BCL7C: variants seen among roughly 807,000 people sequenced by gnomAD.
BCL7C encodes the protein B-cell CLL/lymphoma 7 protein family member C.
BCL7C carries 8 observed loss-of-function variants against 26.2 expected under a neutral mutation model. That is an observed-to-expected ratio of 0.30 (90% CI 0.18 to 0.55). The LOEUF (loss-of-function observed/expected upper bound fraction) is 0.55. Ranked by LOEUF, BCL7C falls within the 20% of genes least tolerant of loss-of-function variation. The probability of loss-of-function intolerance (pLI) is 0.93; values close to 1 mark genes in which losing one functional copy is unlikely to be tolerated. For synonymous variants in BCL7C, 90 were observed against 116.5 expected (o/e 0.77, Z 1.47); for missense variants, 262 against 298.5 (o/e 0.88, Z 0.90).
intron 5 of BCL7C, among the ~76,000 whole-genome samples, chr16:30,838,722 T>A (rs2151358934): frequency 6.6e-6 from 1 of 151,508 alleles, no homozygotes; most frequent in African/African-American, 2.4e-5. Flanking sequence ...GAGGCGGAGG[T>A]TGCAGTGAGC....
chr16:30,874,573 C>T (rs922111289), intron 5 of BCL7C, among the ~76,000 whole-genome samples: 2 of 151,950 alleles, frequency 1.3e-5, no homozygotes, highest in Non-Finnish European at 2.9e-5. Flanking sequence ...GAGCGGAGAT[C>T]GCACCGCTGC....
chr16:30,875,288 G>A (rs1205017869), intron 5 of BCL7C: 1 of 154,390 alleles, frequency 6.5e-6, no homozygotes, highest in African/African-American at 2.4e-5. Flanking sequence ...GCAGGCCGCA[G>A]ACGGAGACAG....
chr16:30,888,720 G>A, intron 5 of BCL7C, 140 bp downstream of exon 5: 1 of 697,112 alleles, frequency 1.4e-6, no homozygotes, highest in Admixed American at 2.9e-5. Flanking sequence ...TCAGTCCCAA[G>A]AACCCAGCCC....
At chr16:30,857,966 C>T (rs2054737509) in intron 5 of BCL7C, among the ~76,000 whole-genome samples, 1 of 105,912 alleles carries the variant, frequency 9.4e-6, no homozygotes, top group African/African-American at 3.7e-5. Flanking sequence ...AGCGAAACTC[C>T]AACTCCAAAA....
chr16:30,878,830 G>A (rs552884509), intron 5 of BCL7C, among the ~76,000 whole-genome samples: 64 of 150,208 alleles, frequency 4.3e-4, no homozygotes, highest in Admixed American at 1.5e-3. Flanking sequence ...GTGACAAAGC[G>A]AGACTCCGTC....
At position 30,873,888 on chromosome 16, in the gene BCL7C, CACAT is replaced by C. The variant is rs949039529; in HGVS notation, c.528+14968_528+14971del. ...TTGTACAGATATATATACACACACA[CACAT>C]ATAGAAAAATTATATAATTTTTCCT... On this transcript the variant is annotated intron_variant, in intron 5 of 5. Transcript: ENST00000380317. Among the ~76,000 whole-genome samples, 24 of 148,506 alleles carry C rather than the reference CACAT, an allele frequency of 1.6e-4. 1 individual carries two copies. Among genetic ancestry groups the C allele is most frequent in the Admixed American group, 1.4e-3 (21 of 14,796 alleles).
chr16:30,835,129 G>C (rs919325314), exon 6 of BCL7C: 1 of 1,521,942 alleles, frequency 6.6e-7, no homozygotes, highest in African/African-American at 1.4e-5. Context: ...GGCTCTCCTC[G>C]TCATTCTCAC....
intron 5 of BCL7C, among the ~76,000 whole-genome samples, chr16:30,837,354 G>A (rs75119304): frequency 8.2e-4 from 124 of 152,052 alleles, no homozygotes; most frequent in Middle Eastern, 3.4e-3. Context: ...AAAGACAAAG[G>A]TGATAATAAT....
At chr16:30,858,612 T>A (rs2054744113) in intron 5 of BCL7C, among the ~76,000 whole-genome samples, 1 of 152,102 alleles carries the variant, frequency 6.6e-6, no homozygotes, top group South Asian at 2.1e-4. Context: ...AGGAAAAACC[T>A]AGAATAGACA....
intron 4 of BCL7C, among the ~76,000 whole-genome samples, chr16:30,889,925 CA>C (rs1182126462): frequency 0.038 from 1,998 of 53,258 alleles, 18 homozygotes; most frequent in African/African-American, 0.093. Flanking sequence ...GACCTTGTCT[CA>C]AAAAAAAAAA....
intron 5 of BCL7C, among the ~76,000 whole-genome samples, chr16:30,838,883 G>T (rs1341931206): frequency 6.6e-6 from 1 of 152,192 alleles, no homozygotes; most frequent in Non-Finnish European, 1.5e-5. Flanking sequence ...AGCATTTTCA[G>T]GAAGTTATAG....
At chr16:30,890,250 C>T (rs932144542) in intron 4 of BCL7C, among the ~76,000 whole-genome samples, 2 of 151,826 alleles carry the variant, frequency 1.3e-5, no homozygotes, top group African/African-American at 2.4e-5. Flanking sequence ...AAAAATTAGC[C>T]GGGTGTGGTG....
chr16:30,835,280 T>C, intron 5 of BCL7C: 1 of 814,704 alleles, frequency 1.2e-6, no homozygotes, highest in Non-Finnish European at 1.8e-6. Context: ...GCGATTAAGC[T>C]GGGTATTTTT....
intron 5 of BCL7C, among the ~76,000 whole-genome samples, chr16:30,861,945 G>A (rs576125906): frequency 7.2e-6 from 1 of 139,614 alleles, no homozygotes; most frequent in East Asian, 2.2e-4. Context: ...GTCAATGCAA[G>A]CTCCGCCTCC....
At chr16:30,877,467 G>A (rs2054967030) in intron 5 of BCL7C, among the ~76,000 whole-genome samples, 1 of 143,514 alleles carries the variant, frequency 7.0e-6, no homozygotes, top group African/African-American at 2.6e-5. Flanking sequence ...TTGAGACGGA[G>A]TCTCGCTCTT....
intron 5 of BCL7C, among the ~76,000 whole-genome samples, chr16:30,855,809 C>T (rs1424301232): frequency 6.6e-6 from 1 of 151,746 alleles, no homozygotes; most frequent in East Asian, 1.9e-4. Context: ...GCCTGTAATC[C>T]CAGCACTTTG....
chr16:30,838,419 T>G (rs1183076319), intron 5 of BCL7C, among the ~76,000 whole-genome samples: 1 of 152,226 alleles, frequency 6.6e-6, no homozygotes, highest in Non-Finnish European at 1.5e-5. Context: ...GCTGCCATTA[T>G]TGCCTTAATA....
chr16:30,881,426 A>ACACACAC (rs1567320786), intron 5 of BCL7C, among the ~76,000 whole-genome samples: 9 of 144,874 alleles, frequency 6.2e-5, no homozygotes, highest in South Asian at 4.6e-4. Flanking sequence ...ACACACACAC[A>ACACACAC]ACAAAAAATT....
intron 5 of BCL7C, among the ~76,000 whole-genome samples, chr16:30,841,775 G>C (rs564481967): frequency 6.6e-6 from 1 of 151,934 alleles, no homozygotes; most frequent in African/African-American, 2.4e-5. Context: ...CTAACATGGT[G>C]AAACCCCATC....
Sources: allele counts gnomAD v4.1 joint callset (sites outside exome capture counted in the v4.1 genomes callset), GRCh38; gene constraint gnomAD v4.1.1; transcripts MANE v1.5; gene names NCBI Gene and HGNC (gene_info 2026-07-23, HGNC 2026-07-21).